Variants in ABI1 observed in about 807,000 individuals in gnomAD.
The protein encoded by ABI1 is abl interactor 1, also known as Abelson interactor 1.
A neutral mutation model predicts 54.6 loss-of-function variants in ABI1; 14 were observed. That is an observed-to-expected ratio of 0.26 (90% CI 0.17 to 0.40). The LOEUF (loss-of-function observed/expected upper bound fraction) is 0.40, where lower values mean the gene tolerates loss of function less well. Among genes scored for constraint, ABI1 ranks in the 10% least tolerant of loss-of-function variants. The pLI is 1.00. For synonymous variants in ABI1, 194 were observed against 209.3 expected, an observed-to-expected ratio of 0.93 and a Z score of 0.63; for missense variants, 443 against 598.3, an observed-to-expected ratio of 0.74 and a Z score of 2.71.
intron 2 of ABI1, among the ~76,000 whole-genome samples, chr10:26,785,640 G>A (rs1842651474): frequency 1.3e-5 from 2 of 151,888 alleles, no homozygotes; most frequent in Admixed American, 6.6e-5. Context: ...CATGAGAATC[G>A]CTTGAACCCA....
intron 2 of ABI1, among the ~76,000 whole-genome samples, chr10:26,784,866 T>C (rs893928274): frequency 5.3e-5 from 8 of 152,222 alleles, no homozygotes; most frequent in Non-Finnish European, 8.8e-5. Context: ...TTCCTCTTTG[T>C]AGACCAAGGC....
chr10:26,787,561 C>A lies in ABI1; in HGVS notation c.286-10320G>T, dbSNP rs1212434156. ...CACAACATGTCCAGCAAAGCACAACCCTCCATATGGCAGGGTGAGCAAAAA... is the reference window on the plus strand; with the variant it reads ...CACAACATGTCCAGCAAAGCACAACACTCCATATGGCAGGGTGAGCAAAAA... On this transcript the variant is annotated intron_variant, in intron 2 of 10. Transcript: ENST00000376140. Among the ~76,000 whole-genome samples the A allele has an allele frequency of 8.6e-5, 13 of 151,736 alleles. No homozygotes were observed. In the East Asian group the frequency reaches 2.6e-3, roughly 30 times the overall value.
At chr10:26,855,163 A>T (rs896919697) in intron 1 of ABI1, among the ~76,000 whole-genome samples, 1 of 152,244 alleles carries the variant, frequency 6.6e-6, no homozygotes, top group Non-Finnish European at 1.5e-5. Flanking sequence ...AATAAAGGAT[A>T]CTTAACCTGT....
intron 2 of ABI1, among the ~76,000 whole-genome samples, chr10:26,809,609 T>A (rs1454857167): frequency 6.6e-6 from 1 of 152,052 alleles, no homozygotes; most frequent in Non-Finnish European, 1.5e-5. Flanking sequence ...TACTATAAAC[T>A]TTCATTTTCA....
At chr10:26,816,621 C>T (rs1051612461) in intron 2 of ABI1, among the ~76,000 whole-genome samples, 2 of 152,208 alleles carry the variant, frequency 1.3e-5, no homozygotes, top group African/African-American at 4.8e-5. Context: ...ACTATTCAAA[C>T]TACTTTCTTA....
At position 26,747,243 on chromosome 10, in the gene ABI1, T is replaced by A. The variant is rs1029708513; in HGVS notation, c.*1327A>T. 3 of 224,926 alleles carry A rather than the reference T, an allele frequency of 1.3e-5. No homozygotes were observed. Among genetic ancestry groups the A allele is most frequent in the African/African-American group, 6.7e-5 (3 of 44,896 alleles). The allele number at this position is 224,926 out of a possible 1,614,324, so 13.9% of individuals were successfully genotyped here. A position where few individuals can be genotyped will look rare whatever the true frequency, so the allele number is the denominator to read the frequency against. ...CACACTTGAGTGCTCTACTTTAATA[T>A]CCTAAGCAATAGAGAATTATACACA... On this transcript the variant is annotated 3_prime_UTR_variant, in exon 11 of 11. Coordinates refer to ENST00000376140, the MANE Select transcript of ABI1 (RefSeq NM_001012750.3).
intron 1 of ABI1, among the ~76,000 whole-genome samples, chr10:26,853,714 C>T (rs11015344): frequency 0.26 from 38,925 of 151,318 alleles, 5,692 homozygotes; most frequent in South Asian, 0.44. Context: ...AACTTTGTTT[C>T]TGTATTTTTA....
intron 2 of ABI1, among the ~76,000 whole-genome samples, chr10:26,800,300 G>T (rs1351520424): frequency 6.6e-6 from 1 of 152,084 alleles, no homozygotes; most frequent in East Asian, 1.9e-4. Flanking sequence ...CAGGAGAATC[G>T]CTTGAACCCT....
chr10:26,749,688 T>A (rs1193039392), intron 10 of ABI1, among the ~76,000 whole-genome samples: 2 of 152,214 alleles, frequency 1.3e-5, no homozygotes, highest in African/African-American at 4.8e-5. Context: ...ATTCACTTCC[T>A]TTGCAAACTG....
chr10:26,752,068 C>G (rs1240101865), intron 9 of ABI1, among the ~76,000 whole-genome samples: 3 of 152,242 alleles, frequency 2.0e-5, no homozygotes, highest in East Asian at 1.9e-4. Context: ...GAGTAGTTTC[C>G]TTATTCCAAG....
chr10:26,789,246 A>C (rs1843119234), intron 2 of ABI1: 1 of 152,210 alleles, frequency 6.6e-6, no homozygotes, highest in South Asian at 2.1e-4. Flanking sequence ...CCCAAAGACA[A>C]GTTGTCAATA....
At chr10:26,772,909 G>GAA (rs572434605) in intron 3 of ABI1, among the ~76,000 whole-genome samples, 1 of 144,372 alleles carries the variant, frequency 6.9e-6, no homozygotes. Flanking sequence ...CCCTTCTCTT[G>GAA]AAAAAAAAAA....
chr10:26,803,009 T>C (rs542559640), intron 2 of ABI1, among the ~76,000 whole-genome samples: 5 of 152,272 alleles, frequency 3.3e-5, no homozygotes, highest in South Asian at 4.1e-4. Context: ...GGAGTATATA[T>C]AGAAGTACTA....
intron 2 of ABI1, among the ~76,000 whole-genome samples, chr10:26,803,587 G>A (rs2046696245): frequency 6.6e-6 from 1 of 152,104 alleles, no homozygotes; most frequent in African/African-American, 2.4e-5. Context: ...CAGGAAACAG[G>A]CAGGCAAAAA....
chr10:26,800,529 G>A (rs2046478991), intron 2 of ABI1, among the ~76,000 whole-genome samples: 1 of 152,102 alleles, frequency 6.6e-6, no homozygotes, highest in Non-Finnish European at 1.5e-5. Context: ...TATAATTCCA[G>A]TACTTTGGTA....
At chr10:26,757,892 ATGC>A (rs1251234231) in intron 8 of ABI1, among the ~76,000 whole-genome samples, 1 of 151,934 alleles carries the variant, frequency 6.6e-6, no homozygotes, top group African/African-American at 2.4e-5. Flanking sequence ...ACATGGTGAA[ATGC>A]TGTCCCTTCT....
chr10:26,755,935 T>C (rs1033782588), intron 8 of ABI1, among the ~76,000 whole-genome samples, 194 bp from the exon 9 acceptor site: 1 of 152,208 alleles, frequency 6.6e-6, no homozygotes, highest in African/African-American at 2.4e-5. Context: ...CAAGCAAACC[T>C]AAAGGCCAAG....
chr10:26,856,432 TCAAAAAAAA>T (rs2050820090), intron 1 of ABI1, among the ~76,000 whole-genome samples: 4 of 28,146 alleles, frequency 1.4e-4, no homozygotes, highest in African/African-American at 7.5e-4. Flanking sequence ...CATCTGTTAC[TCAAAAAAAA>T]AAAAAAAAAA....
rs577536202 is a variant in ABI1 at position 26,774,459 on chromosome 10, T to G, written c.462+2606A>C. ...TATTCTAGCTTCCTCTCAAACCTTG[T>G]GCTCACTTACAAAGATCATCTTCTT... On this transcript the variant is annotated intron_variant, in intron 3 of 10. Coordinates refer to ENST00000376140, the MANE Select transcript of ABI1 (RefSeq NM_001012750.3). Among the ~76,000 whole-genome samples the G allele has an allele frequency of 4.1e-4, 63 of 152,322 alleles. No homozygotes were observed. In the South Asian group the frequency reaches 4.3e-3, roughly 11 times the overall value.
Sources: allele counts gnomAD v4.1 joint callset (sites outside exome capture counted in the v4.1 genomes callset), GRCh38; gene constraint gnomAD v4.1.1; transcripts MANE v1.5; gene names NCBI Gene and HGNC (gene_info 2026-07-23, HGNC 2026-07-21).